Variants in BOC observed in about 807,000 individuals in gnomAD.
BOC encodes the protein BOC cell adhesion associated, oncogene regulated.
Under a neutral mutation model 112.0 loss-of-function variants are expected in BOC, and 76 were observed. That is an observed-to-expected ratio of 0.68 (90% confidence interval 0.56 to 0.82). The LOEUF (loss-of-function observed/expected upper bound fraction) is 0.82, where lower values mean the gene tolerates loss of function less well. Ranked by LOEUF, BOC falls within the 40% of genes least tolerant of loss-of-function variation. The probability of loss-of-function intolerance (pLI) is 0.00; values close to 1 mark genes in which losing one functional copy is unlikely to be tolerated. For synonymous variants in BOC, 580 were observed against 599.8 expected (o/e 0.97, Z 0.48); for missense variants, 1,309 against 1,511.7 (o/e 0.87, Z 2.22).
intron 4 of BOC, 70 bp from the exon 5 acceptor site, chr3:113,268,229 C>T: frequency 1.3e-6 from 2 of 1,589,240 alleles, no homozygotes; most frequent in Non-Finnish European, 1.7e-6. Context: ...CACCAAGGCA[C>T]AAGCCCACCC....
chr3:113,272,178 T>C, intron 6 of BOC: 1 of 585,828 alleles, frequency 1.7e-6, no homozygotes, highest in Non-Finnish European at 3.0e-6. Flanking sequence ...GCTGTTCTTC[T>C]GTGTTATCTC....
chr3:113,236,189 T>C (rs1943412171), intron 2 of BOC, among the ~76,000 whole-genome samples: 1 of 144,616 alleles, frequency 6.9e-6, no homozygotes, highest in South Asian at 2.3e-4. Flanking sequence ...TATGATTGGA[T>C]AAAGAAAATA....
intron 2 of BOC, among the ~76,000 whole-genome samples, chr3:113,242,971 T>C (rs1039960894): frequency 2.0e-5 from 3 of 152,114 alleles, no homozygotes; most frequent in African/African-American, 7.2e-5. Flanking sequence ...ATATTTAATA[T>C]AGGGGTTGGC....
chr3:113,260,656 T>TTAGAATAGAATAGAATAGAATAGAA (rs1221490195), intron 4 of BOC, among the ~76,000 whole-genome samples: 4 of 104,472 alleles, frequency 3.8e-5, no homozygotes, highest in African/African-American at 1.6e-4. Flanking sequence ...TTAGATTCTA[T>TTAGAATAGAATAGAATAGAATAGAA]TAGAATAGAA....
At chr3:113,279,127 G>C in intron 11 of BOC, 122 bp from the exon 12 acceptor site, 2 of 998,752 alleles carry the variant, frequency 2.0e-6, no homozygotes, top group Non-Finnish European at 3.0e-6. Context: ...GAGGGCTGTG[G>C]GGAGGAGCGG....
chr3:113,243,230 G>T (rs917188910), intron 2 of BOC, among the ~76,000 whole-genome samples: 1 of 152,158 alleles, frequency 6.6e-6, no homozygotes, highest in Admixed American at 6.5e-5. Flanking sequence ...GATAATCCAA[G>T]CACATGCAAA....
At position 113,278,602 on chromosome 3, in the gene BOC, A is replaced by G; in HGVS notation, c.1706-71A>G. The G allele has an allele frequency of 7.4e-7, 1 of 1,343,756 alleles. No individual in the cohort carries two copies. Among genetic ancestry groups the G allele is most frequent in the Non-Finnish European group, 1.0e-6 (1 of 961,242 alleles). The allele number at this position is 1,343,756 out of a possible 1,614,324, so 83.2% of individuals were successfully genotyped here. A position where few individuals can be genotyped will look rare whatever the true frequency, so the allele number is the denominator to read the frequency against. Reference sequence around the variant, plus strand: ...ATGCCGCTTAGCAGAGTCTCAGGCAAAAAGGACTCTGTGGGAGGGAGATCT... The same window carrying G: ...ATGCCGCTTAGCAGAGTCTCAGGCAGAAAGGACTCTGTGGGAGGGAGATCT... On this transcript the variant is annotated intron_variant, in intron 10 of 19. Transcript: ENST00000682979. This position sits in a 1 kb window ranked among gnomAD's most constrained non-coding sequence, Gnocchi z 4.2.
intron 1 of BOC, chr3:113,212,505 C>T (rs1343374656): frequency 6.6e-6 from 1 of 152,284 alleles, no homozygotes; most frequent in Non-Finnish European, 1.5e-5. Context: ...TCAACACGCA[C>T]TCGGCCTCTT....
At chr3:113,252,373 A>ATCG (rs1489677445) in intron 4 of BOC, among the ~76,000 whole-genome samples, 2 of 152,150 alleles carry the variant, frequency 1.3e-5, no homozygotes, top group African/African-American at 4.8e-5. Context: ...CATCATCATC[A>ATCG]TCACCCTTGT....
At chr3:113,260,725 AC>A (rs1400775945) in intron 4 of BOC, among the ~76,000 whole-genome samples, 2 of 115,236 alleles carry the variant, frequency 1.7e-5, no homozygotes, top group Non-Finnish European at 4.4e-5. Flanking sequence ...AACAGAAAGA[AC>A]AGAACAGAAC....
chr3:113,271,491 A>C, intron 6 of BOC: 1 of 303,724 alleles, frequency 3.3e-6, no homozygotes, highest in Non-Finnish European at 6.4e-6. Flanking sequence ...TGCCAATTCA[A>C]AGGAGTGACA....
Position 113,287,105 on chromosome 3 carries a change from GCA to G in BOC, c.*246_*247del. The stretch of plus-strand genomic sequence containing the variant: ...AACAGGAGTCACCCAGGAAAGCACC[GCA>G]CAGGCTGGCGCGGGACAGACTCCTA... On this transcript the variant is annotated 3_prime_UTR_variant, in exon 20 of 20. Coordinates refer to ENST00000682979, the MANE Select transcript of BOC (RefSeq NM_001378074.1). 1.9e-6 allele frequency: 1 copy of G among 523,330 alleles called. No individual in the cohort carries two copies. Among genetic ancestry groups the G allele is most frequent in the Non-Finnish European group, 3.6e-6 (1 of 274,494 alleles). 32.4% of individuals were successfully genotyped at this position (523,330 alleles called of 1,614,324 possible). A position where few individuals can be genotyped will look rare whatever the true frequency, so the allele number is the denominator to read the frequency against.
chr3:113,275,610 T>C (rs954839865), intron 9 of BOC, among the ~76,000 whole-genome samples: 1 of 152,214 alleles, frequency 6.6e-6, no homozygotes, highest in Non-Finnish European at 1.5e-5. Context: ...AAATTGTATG[T>C]GATAAAAGCA....
At chr3:113,221,817 ACACCTCACTCCTTCCCTCTCAGGGGTCCT>A (rs1234697476) in intron 2 of BOC, among the ~76,000 whole-genome samples, 6 of 152,116 alleles carry the variant, frequency 3.9e-5, no homozygotes, top group South Asian at 2.1e-4. Flanking sequence ...AAATATCCAA[ACACCTCACTCCTTCCCTCTCAGGGGTCCT>A]CACCTCACCC....
Position 113,284,461 on chromosome 3 carries a change from G to A in BOC, c.2783G>A (p.Gly928Glu). 6.2e-7 allele frequency: 1 copy of A among 1,614,244 alleles called. No homozygotes were observed. Among genetic ancestry groups the A allele is most frequent in the Non-Finnish European group, 8.5e-7 (1 of 1,180,034 alleles). ...CAGCCCTACCTCAGTGGCATCAGTG[G>A]ACGGGCCTGTGCTAATGGGATCCAC... ...SGQPYLSGIS[G>E]RACANGIHMN... Residue 928 changes from glycine (G) to glutamate (E), a missense_variant, in exon 17 of 20, where the codon GGA (glycine) becomes GAA (glutamate). Physicochemically the swap from Gly to Glu is moderately conservative, Grantham distance 98. Coordinates refer to ENST00000682979, the MANE Select transcript of BOC (RefSeq NM_001378074.1).
rs1394553132 is a variant in BOC at position 113,286,815 on chromosome 3, G to A, written c.3301G>A (p.Gly1101Arg). 1 of 1,610,524 alleles carries A rather than the reference G, an allele frequency of 6.2e-7. No individual in the cohort carries two copies. The highest frequency in any genetic ancestry group is 2.2e-5 in the East Asian group (1 of 44,752). Residue 1101 changes from glycine to arginine, a missense_variant, in exon 20 of 20, where the codon GGG becomes AGG. Coordinates refer to ENST00000682979, the MANE Select transcript of BOC (RefSeq NM_001378074.1). ...GGAACCTGGAATGCAGCTCTCCCCG[G>A]GGCCACTGGTGCGTGTGTCTTTTGA... Reference protein sequence around the residue: ...GQEPGMQLSPGPLVRVSFETP... With the variant: ...GQEPGMQLSPRPLVRVSFETP...
intron 4 of BOC, among the ~76,000 whole-genome samples, chr3:113,260,667 TAGAACAGAACAGAACAGAAC>T (rs11455670): frequency 2.8e-4 from 35 of 126,382 alleles, no homozygotes; most frequent in East Asian, 2.0e-3. Flanking sequence ...TAGAATAGAA[TAGAACAGAACAGAACAGAAC>T]AGAACAGAAC....
At chr3:113,263,858 G>A (rs1408022613) in intron 4 of BOC, among the ~76,000 whole-genome samples, 1 of 152,226 alleles carries the variant, frequency 6.6e-6, no homozygotes, top group Admixed American at 6.5e-5. Context: ...CCACATCTAT[G>A]TACCTTTGAC....
At chr3:113,272,219 G>T (rs1948192314) in intron 6 of BOC, 191 bp from the exon 7 acceptor site, 2 of 624,028 alleles carry the variant, frequency 3.2e-6, no homozygotes, top group South Asian at 1.9e-5. Context: ...CCCTGCAGAA[G>T]CAGTCCTTGT....
Sources: allele counts gnomAD v4.1 joint callset (sites outside exome capture counted in the v4.1 genomes callset), GRCh38; gene constraint gnomAD v4.1.1; non-coding constraint Gnocchi (gnomAD v3.1); transcripts MANE v1.5; gene names NCBI Gene and HGNC (gene_info 2026-07-23, HGNC 2026-07-21).